The following SARDH variants were observed in gnomAD, a reference collection of about 807,000 sequenced individuals.
SARDH encodes the protein sarcosine dehydrogenase, mitochondrial.
SARDH carries 95 observed loss-of-function variants against 109.1 expected under a neutral mutation model. The ratio of observed to expected loss-of-function variants is 0.87; its 90% CI spans 0.74 to 1.03. The LOEUF (loss-of-function observed/expected upper bound fraction) is 1.03. Among genes scored for constraint, SARDH ranks in the 50% least tolerant of loss-of-function variants. The pLI, the probability that SARDH is intolerant of heterozygous loss-of-function variation, is 0.00. For synonymous variants in SARDH, 572 were observed against 534.8 expected, an observed-to-expected ratio of 1.07 and a Z score of -0.96; for missense variants, 1,267 against 1,287.8, an observed-to-expected ratio of 0.98 and a Z score of 0.25.
intron 16 of SARDH, among the ~76,000 whole-genome samples, chr9:133,689,473 T>G (rs1831013873): frequency 6.6e-6 from 1 of 151,912 alleles, no homozygotes; most frequent in South Asian, 2.1e-4. Context: ...GATTTTTAAC[T>G]CTTGAAAAAG....
intron 17 of SARDH, among the ~76,000 whole-genome samples, chr9:133,676,377 T>A (rs1395418371): frequency 6.6e-6 from 1 of 152,098 alleles, no homozygotes; most frequent in African/African-American, 2.4e-5. Context: ...GGGAATTGCC[T>A]CAATGGGGAC....
intron 13 of SARDH, among the ~76,000 whole-genome samples, chr9:133,700,974 G>A (rs72761162): frequency 1.4e-4 from 21 of 152,346 alleles, no homozygotes; most frequent in Non-Finnish European, 1.8e-4. Flanking sequence ...CGTGTGTCGG[G>A]AAGCTGTTTC....
At chr9:133,717,274 T>C in intron 8 of SARDH, 52 bp downstream of exon 8, 2 of 1,605,816 alleles carry the variant, frequency 1.2e-6, no homozygotes, top group East Asian at 2.2e-5. Context: ...CTAACAGTCA[T>C]CAGACCAAAG....
chr9:133,726,459 C>T (rs1042717779), intron 6 of SARDH, among the ~76,000 whole-genome samples: 2 of 151,768 alleles, frequency 1.3e-5, no homozygotes, highest in African/African-American at 4.8e-5. Flanking sequence ...AAAAACAAAG[C>T]CAGCCCCAGA....
At chr9:133,689,679 G>T (rs1831021878) in intron 16 of SARDH, among the ~76,000 whole-genome samples, 1 of 152,062 alleles carries the variant, frequency 6.6e-6, no homozygotes, top group Non-Finnish European at 1.5e-5. Flanking sequence ...CTCAGGCTTG[G>T]CAAGTCACAG....
intron 15 of SARDH, among the ~76,000 whole-genome samples, chr9:133,691,072 A>C (rs1468534864): frequency 6.6e-6 from 1 of 152,056 alleles, no homozygotes; most frequent in African/African-American, 2.4e-5. Context: ...CAAAGAGACA[A>C]GCCAGTCCTC....
rs796973068 is a variant in SARDH, at chr9:133,673,628, A to C, written c.2164-1931T>G. 9.8e-5 allele frequency among the ~76,000 whole-genome samples: 15 copies of C among 152,348 alleles called. 1 individual carries two copies. Among genetic ancestry groups the C allele is most frequent in the African/African-American group, 3.6e-4 (15 of 41,578 alleles). On this transcript the variant is annotated intron_variant, in intron 17 of 20. Coordinates refer to ENST00000439388, the MANE Select transcript of SARDH (RefSeq NM_001134707.2). ...GTTGCCATTTGCCCAGGCCTCCTAAAAAACTCAAAATTGACACAGAAAATA... is the reference window on the plus strand; with the variant it reads ...GTTGCCATTTGCCCAGGCCTCCTAACAAACTCAAAATTGACACAGAAAATA...
rs143291602 is a variant in SARDH at position 133,702,948 on chromosome 9, A to C, written c.1636T>G (p.Tyr546Asp). 50 of 1,612,316 alleles carry C rather than the reference A, an allele frequency of 3.1e-5. No homozygotes were observed. The African/African-American group carries it at 6.4e-4, about 21-fold the overall frequency. The change falls in exon 13 of 21, where the codon TAC (tyrosine) becomes GAC (aspartate). Residue 546 changes from tyrosine (Y) to aspartate (D), a missense_variant. Transcript: ENST00000439388. ...YAYRRLLADE[Y>D]TFAFPPHHDT... ...TGGTGGGGCGGGAAGGCGAAGGTGT[A>C]CTCGTCTGCCAGCAGCCTGCGGTAG...
At chr9:133,714,441 TGA>T (rs1455686963) in intron 8 of SARDH, among the ~76,000 whole-genome samples, 2 of 151,840 alleles carry the variant, frequency 1.3e-5, no homozygotes, top group Admixed American at 1.3e-4. Flanking sequence ...GCCATCTGGG[TGA>T]GAGACAAGGA....
At chr9:133,661,833 A>G (rs777892433), downstream of SARDH, among the ~76,000 whole-genome samples, 2 of 152,240 alleles carry the variant, frequency 1.3e-5, no homozygotes, top group Non-Finnish European at 2.9e-5. Flanking sequence ...GGCAGTACTC[A>G]GCCACAGTGA....
At chr9:133,705,534 G>A (rs909192316) in intron 11 of SARDH, among the ~76,000 whole-genome samples, 3 of 100,984 alleles carry the variant, frequency 3.0e-5, no homozygotes, top group South Asian at 3.6e-4. Flanking sequence ...CTTACCGCCT[G>A]CCCCATCTGC....
Position 133,704,883 on chromosome 9 carries a change from TGG to T in SARDH, c.1554+63_1554+64del. On this transcript the variant is annotated intron_variant, in intron 12 of 20. Transcript: ENST00000439388. This position sits in a 1 kb window ranked among gnomAD's most constrained non-coding sequence, Gnocchi z 4.5. ...CACGGAGGGGCAAGGACGGGGCACGTGGAGGGGCAAGGGGGTTGTCAGGGCAG... is the reference window on the plus strand; with the variant it reads ...CACGGAGGGGCAAGGACGGGGCACGTAGGGGCAAGGGGGTTGTCAGGGCAG... The T allele has an allele frequency of 7.1e-7, 1 of 1,417,224 alleles. No individual in the cohort carries two copies. The highest frequency in any genetic ancestry group is 9.7e-7 in the Non-Finnish European group (1 of 1,028,432). 87.8% of individuals were successfully genotyped at this position (1,417,224 alleles called of 1,614,324 possible). A position where few individuals can be genotyped will look rare whatever the true frequency, so the allele number is the denominator to read the frequency against.
intron 13 of SARDH, among the ~76,000 whole-genome samples, chr9:133,700,557 T>C (rs1342031294): frequency 6.6e-6 from 1 of 152,028 alleles, no homozygotes; most frequent in Admixed American, 6.6e-5. Context: ...TAGGGTGAGG[T>C]GTGGGGTATC....
At chr9:133,724,491 T>C (rs1022324305) in intron 6 of SARDH, among the ~76,000 whole-genome samples, 9 of 152,000 alleles carry the variant, frequency 5.9e-5, no homozygotes, top group African/African-American at 1.9e-4. Context: ...ATGACCGGCA[T>C]AAAAAAAGAC....
chr9:133,664,591 A>C (rs1207096593), intron 20 of SARDH, among the ~76,000 whole-genome samples: 2 of 151,640 alleles, frequency 1.3e-5, no homozygotes, highest in African/African-American at 4.9e-5. Context: ...CTTTTGCTGC[A>C]GCTGCTATGA....
intron 17 of SARDH, among the ~76,000 whole-genome samples, chr9:133,683,223 G>A (rs1392856801): frequency 6.6e-6 from 1 of 152,228 alleles, no homozygotes; most frequent in Non-Finnish European, 1.5e-5. Context: ...CCCCAGGAGA[G>A]GGGAGGCAGC....
At chr9:133,679,393 C>T (rs528356706) in intron 17 of SARDH, among the ~76,000 whole-genome samples, 6 of 152,362 alleles carry the variant, frequency 3.9e-5, no homozygotes, top group East Asian at 1.9e-4. Context: ...AACAGCGCCG[C>T]GACTAGGACT....
Position 133,692,113 on chromosome 9 carries a change from C to G in SARDH, c.1922-1586G>C, listed in dbSNP as rs762095948. On this transcript the variant is annotated intron_variant, in intron 15 of 20. Transcript: ENST00000439388. This position sits in a 1 kb window ranked among gnomAD's most constrained non-coding sequence, Gnocchi z 5.0. The stretch of plus-strand genomic sequence containing the variant: ...GGGAAACTGAGGCTCAGGGAGGCTG[C>G]TCCCCAGCCCTCCCAGCACCCCCAG... Among the ~76,000 whole-genome samples the G allele has an allele frequency of 4.6e-5, 7 of 152,096 alleles. No homozygotes were observed. The highest frequency in any genetic ancestry group is 7.4e-5 in the Non-Finnish European group (5 of 67,994).
downstream of SARDH, among the ~76,000 whole-genome samples, chr9:133,662,015 C>T (rs554863288): frequency 3.3e-5 from 5 of 152,172 alleles, no homozygotes; most frequent in African/African-American, 1.2e-4. This position sits in a 1 kb window ranked among gnomAD's most constrained non-coding sequence, Gnocchi z 5.1. Context: ...CCTCTGGCAG[C>T]GCAGGGATGG....
Sources: gnomAD v4.1 joint callset for allele counts (sites outside exome capture counted in the v4.1 genomes callset) on GRCh38, gnomAD v4.1.1 for gene constraint, Gnocchi (gnomAD v3.1) non-coding constraint, MANE v1.5 for transcripts, NCBI Gene and HGNC (gene_info 2026-07-23, HGNC 2026-07-21) for gene names.